MIB1: variants seen among roughly 807,000 people sequenced by gnomAD.
MIB1 encodes the protein MIB E3 ubiquitin protein ligase 1.
Under a neutral mutation model 124.5 loss-of-function variants are expected in MIB1, and 278 were observed. The ratio of observed to expected loss-of-function variants is 2.23; its 90% CI spans 2.02 to 2.47. The LOEUF (loss-of-function observed/expected upper bound fraction) is 2.47, where lower values mean the gene tolerates loss of function less well. MIB1 is among the 30% of genes most tolerant of loss of function. The pLI is 0.00. For synonymous variants in MIB1, 446 were observed against 429.4 expected, an observed-to-expected ratio of 1.04 and a Z score of -0.48; for missense variants, 957 against 1,254.4, an observed-to-expected ratio of 0.76 and a Z score of 3.58.
intron 16 of MIB1, among the ~76,000 whole-genome samples, chr18:21,847,791 T>C (rs2042147827): frequency 6.6e-6 from 1 of 152,248 alleles, no homozygotes; most frequent in African/African-American, 2.4e-5. Context: ...TGGAGTTTTC[T>C]CTAAAGATGA....
chr18:21,784,305 C>T (rs2041408139), intron 6 of MIB1, among the ~76,000 whole-genome samples: 1 of 152,064 alleles, frequency 6.6e-6, no homozygotes, highest in African/African-American at 2.4e-5. Flanking sequence ...CCTCGGCCTC[C>T]CAAAGTGCTG....
chr18:21,840,647 ATATATATATATATATATATT>A (rs1236097897), intron 13 of MIB1, among the ~76,000 whole-genome samples: 15,603 of 36,078 alleles, frequency 0.43, 1,097 homozygotes, highest in East Asian at 0.47. Context: ...ATATATATAT[ATATATATATATATATATATT>A]TTTTTTTTTT....
chr18:21,863,086 C>T (rs1381083457), intron 20 of MIB1, among the ~76,000 whole-genome samples: 4 of 152,148 alleles, frequency 2.6e-5, no homozygotes, highest in African/African-American at 4.8e-5. Context: ...GACAGAGGTG[C>T]GCTGCTTACT....
At chr18:21,775,552 A>C (rs557651966) in intron 4 of MIB1, among the ~76,000 whole-genome samples, 79 of 152,314 alleles carry the variant, frequency 5.2e-4, no homozygotes, top group Non-Finnish European at 1.1e-3. Flanking sequence ...AATTCATGCC[A>C]CTTATATATT....
intron 10 of MIB1, among the ~76,000 whole-genome samples, chr18:21,815,075 A>G (rs140306179): frequency 0.026 from 3,577 of 137,634 alleles, 101 homozygotes; most frequent in African/African-American, 0.052. Flanking sequence ...ATATAAATGT[A>G]TATATATAAA....
intron 5 of MIB1, 114 bp downstream of exon 5, chr18:21,778,283 A>C: frequency 1.5e-6 from 1 of 687,016 alleles, no homozygotes; most frequent in Non-Finnish European, 2.3e-6. Context: ...TACTTAGAGA[A>C]AAAATTTTTT....
intron 1 of MIB1, among the ~76,000 whole-genome samples, chr18:21,735,391 C>T (rs574403526): frequency 5.7e-4 from 87 of 152,320 alleles, no homozygotes; most frequent in Non-Finnish European, 1.0e-3. Flanking sequence ...GAAATTCCCT[C>T]CGGTGCCTAC....
chr18:21,863,930 C>T (rs2042298257), intron 20 of MIB1, among the ~76,000 whole-genome samples: 1 of 151,984 alleles, frequency 6.6e-6, no homozygotes, highest in African/African-American at 2.4e-5. Flanking sequence ...CACTTGAATC[C>T]AGGAGGCGGA....
At chr18:21,755,982 G>C (rs2041026953) in intron 1 of MIB1, among the ~76,000 whole-genome samples, 1 of 152,020 alleles carries the variant, frequency 6.6e-6, no homozygotes, top group African/African-American at 2.4e-5. Context: ...AGTTTTGCAG[G>C]GCTAGTGATA....
chr18:21,750,075 G>GT (rs904212592), intron 1 of MIB1, among the ~76,000 whole-genome samples: 61 of 151,404 alleles, frequency 4.0e-4, no homozygotes, highest in African/African-American at 1.3e-3. Context: ...GAAAAATTAG[G>GT]TTTTTTTTGC....
In MIB1 at chr18:21,720,812, A is replaced by G. The variant is rs568557358; in HGVS notation, n.167+15689A>G. 8.3e-4 allele frequency among the ~76,000 whole-genome samples: 127 copies of G among 152,252 alleles called. 1 individual carries two copies. The highest frequency in any genetic ancestry group is 1.3e-3 in the Non-Finnish European group (91 of 68,004). On this transcript the variant is annotated intron_variant and non_coding_transcript_variant, in intron 1 of 20. Transcript: ENST00000578646. Reference sequence around the variant, plus strand: ...AAAAATAAGAAATAAAAAATTAGCCAGGCATGGTGGTGTGCACCTGTAGTC... The same window carrying G: ...AAAAATAAGAAATAAAAAATTAGCCGGGCATGGTGGTGTGCACCTGTAGTC...
At position 21,866,307 on chromosome 18, in the gene MIB1, G is replaced by A. The variant is rs915158940; in HGVS notation, c.*1641G>A. 1.3e-5 allele frequency: 2 copies of A among 152,138 alleles called. No individual in the cohort carries two copies. The highest frequency in any genetic ancestry group is 3.8e-4 in the East Asian group (2 of 5,196). The allele number at this position is 152,138 out of a possible 1,614,324, so 9.4% of individuals were successfully genotyped here. A position where few individuals can be genotyped will look rare whatever the true frequency, so the allele number is the denominator to read the frequency against. ...CTCAACAATTCCATGTCTGTGTTTA[G>A]CTGAGTAACTGCTATCATTTAGAAC... is the stretch of plus-strand genomic sequence containing the variant. On this transcript the variant is annotated 3_prime_UTR_variant, in exon 21 of 21. Coordinates refer to ENST00000261537, the MANE Select transcript of MIB1 (RefSeq NM_020774.4).
Position 21,765,223 on chromosome 18 carries a change from G to C in MIB1, c.230-549G>C, listed in dbSNP as rs375529771. ...CCTAAGGGGATAAAACCCCACTATA[G>C]TGTATTGTTTCCTTTAAAATAGGGA... is the stretch of plus-strand genomic sequence containing the variant. On this transcript the variant is annotated intron_variant, in intron 1 of 20. Coordinates refer to ENST00000261537, the MANE Select transcript of MIB1 (RefSeq NM_020774.4). Among the ~76,000 whole-genome samples the C allele has an allele frequency of 1.3e-4, 20 of 152,226 alleles. No homozygotes were observed. In the East Asian group the frequency reaches 2.3e-3, roughly 18 times the overall value.
chr18:21,718,353 G>A (rs2040698977), intron 1 of MIB1, among the ~76,000 whole-genome samples: 1 of 152,056 alleles, frequency 6.6e-6, no homozygotes, highest in African/African-American at 2.4e-5. Flanking sequence ...ACTTACTAAT[G>A]TAACCAAACA....
At chr18:21,840,747 C>G (rs1175530015) in intron 13 of MIB1, among the ~76,000 whole-genome samples, 2 of 150,016 alleles carry the variant, frequency 1.3e-5, no homozygotes, top group African/African-American at 4.9e-5. Flanking sequence ...GGGAGGATCA[C>G]TTGAGCCTGG....
upstream of MIB1, among the ~76,000 whole-genome samples, chr18:21,740,023 C>T (rs1191380409): frequency 1.3e-5 from 2 of 152,002 alleles, no homozygotes; most frequent in Non-Finnish European, 2.9e-5. Flanking sequence ...CTTGTCTTTT[C>T]CCTTGATTAT....
At chr18:21,758,521 A>G (rs1384877781) in intron 1 of MIB1, among the ~76,000 whole-genome samples, 2 of 152,030 alleles carry the variant, frequency 1.3e-5, no homozygotes, top group African/African-American at 4.8e-5. Context: ...TTACATTTAA[A>G]TAAAGGTTGA....
intron 3 of MIB1, 45 bp from the exon 4 acceptor site, chr18:21,773,579 C>T (rs776881356): frequency 1.6e-6 from 2 of 1,226,594 alleles, no homozygotes; most frequent in African/African-American, 1.5e-5. Context: ...CTAAGCTCTT[C>T]CCTCCCCTTT....
At chr18:21,826,236 C>CGAG in intron 12 of MIB1, 1 of 158,344 alleles carries the variant, frequency 6.3e-6, no homozygotes, top group Admixed American at 6.3e-5. Context: ...TAGTCACCCC[C>CGAG]TTCTACTGCC....
Sources: allele counts gnomAD v4.1 joint callset (sites outside exome capture counted in the v4.1 genomes callset), GRCh38; gene constraint gnomAD v4.1.1; transcripts MANE v1.5; gene names NCBI Gene and HGNC (gene_info 2026-07-23, HGNC 2026-07-21).